DSG4: variants seen among roughly 807,000 people sequenced by gnomAD.
DSG4 encodes desmoglein-4.
A neutral mutation model predicts 93.1 loss-of-function variants in DSG4; 87 were observed. That is an observed-to-expected ratio of 0.93 (90% CI 0.79 to 1.12). The LOEUF is 1.12. DSG4 is among the 50% of genes most tolerant of loss of function. The probability of loss-of-function intolerance (pLI) is 0.00; values close to 1 mark genes in which losing one functional copy is unlikely to be tolerated. For missense variants in DSG4, 1,373 were observed against 1,285.7 expected (o/e 1.07, Z -1.04); for synonymous variants, 432 against 452.9 (o/e 0.95, Z 0.59).
At chr18:31,404,877 A>G (rs2072407562) in intron 11 of DSG4, among the ~76,000 whole-genome samples, 1 of 152,132 alleles carries the variant, frequency 6.6e-6, no homozygotes, top group Non-Finnish European at 1.5e-5. Flanking sequence ...ATGATTACAC[A>G]TGTAAGAAAA....
At chr18:31,378,692 T>A (rs1365040415) in intron 1 of DSG4, among the ~76,000 whole-genome samples, 2 of 152,188 alleles carry the variant, frequency 1.3e-5, no homozygotes, top group Admixed American at 6.6e-5. Context: ...GTTCTTTAAG[T>A]ATTTTTTTTC....
At position 31,403,152 on chromosome 18, in the gene DSG4, A is replaced by G. The variant is rs189664793; in HGVS notation, c.1418-264A>G. Among the ~76,000 whole-genome samples the G allele has an allele frequency of 1.2e-3, 187 of 152,244 alleles. 2 individuals carry two copies. In the Middle Eastern group the frequency reaches 0.014, roughly 11 times the overall value. On this transcript the variant is annotated intron_variant, in intron 10 of 15. Transcript: ENST00000308128. ...TAGCAAAATGAAATGAGGGTGGAAAACATTTTAGGAAGGGTGAAAAGAATG... is the reference window on the plus strand; with the variant it reads ...TAGCAAAATGAAATGAGGGTGGAAAGCATTTTAGGAAGGGTGAAAAGAATG...
chr18:31,391,749 C>T (rs2072252470), intron 7 of DSG4, among the ~76,000 whole-genome samples: 1 of 151,934 alleles, frequency 6.6e-6, no homozygotes, highest in African/African-American at 2.4e-5. Flanking sequence ...TCTATGGGGG[C>T]TTTGTGCTGC....
Position 31,397,429 on chromosome 18 carries a change from C to G in DSG4, c.1006-1843C>G, listed in dbSNP as rs184161062. 2.6e-5 allele frequency among the ~76,000 whole-genome samples: 4 copies of G among 152,262 alleles called. No individual in the cohort carries two copies. The East Asian group carries it at 7.7e-4, about 29-fold the overall frequency. On this transcript the variant is annotated intron_variant, in intron 8 of 15. Transcript: ENST00000308128. ...AGAGTAAACCATTGTTTCCATTGCT[C>G]TTTACAATCCTTGACCTCTGGACAC...
At chr18:31,405,216 T>C (rs1004784721) in intron 11 of DSG4, among the ~76,000 whole-genome samples, 1 of 152,214 alleles carries the variant, frequency 6.6e-6, no homozygotes, top group Admixed American at 6.5e-5. Flanking sequence ...CTTGTATTAA[T>C]AAATAAATTC....
At chr18:31,411,470 A>G in intron 15 of DSG4, 22 bp downstream of exon 15, 3 of 1,611,280 alleles carry the variant, frequency 1.9e-6, no homozygotes, top group Non-Finnish European at 8.5e-7. Flanking sequence ...ACAGTCACAC[A>G]TAAAATCGTC....
At chr18:31,401,213 T>C (rs957154043) in intron 10 of DSG4, among the ~76,000 whole-genome samples, 193 bp downstream of exon 10, 24 of 152,204 alleles carry the variant, frequency 1.6e-4, no homozygotes, top group Admixed American at 1.3e-3. Flanking sequence ...CCATAGTTTA[T>C]TTCATCTACT....
intron 9 of DSG4, among the ~76,000 whole-genome samples, chr18:31,399,790 C>G (rs1200019908): frequency 6.6e-6 from 1 of 152,132 alleles, no homozygotes; most frequent in Non-Finnish European, 1.5e-5. Flanking sequence ...GATCAAAGAG[C>G]CTCCTAAATT....
Position 31,413,690 on chromosome 18 carries a change from T to C in DSG4, c.*95T>C. ...TATAATGTACCATATATATTAATAG[T>C]CAACAAATACTCAGATATTCTAAGG... On this transcript the variant is annotated 3_prime_UTR_variant, in exon 16 of 16. Transcript: ENST00000308128. 1 of 1,465,912 alleles carries C rather than the reference T, an allele frequency of 6.8e-7. No homozygotes were observed. Among genetic ancestry groups the C allele is most frequent in the Non-Finnish European group, 9.4e-7 (1 of 1,067,756 alleles). 90.8% of individuals were successfully genotyped at this position (1,465,912 alleles called of 1,614,324 possible). A position where few individuals can be genotyped will look rare whatever the true frequency, so the allele number is the denominator to read the frequency against.
chr18:31,396,142 C>A (rs1025178934), intron 8 of DSG4, among the ~76,000 whole-genome samples: 1 of 151,748 alleles, frequency 6.6e-6, no homozygotes, highest in Admixed American at 6.6e-5. Context: ...TATATATATA[C>A]ATATTTGACT....
At chr18:31,410,501 T>C (rs1454452740) in intron 14 of DSG4, among the ~76,000 whole-genome samples, 1 of 145,724 alleles carries the variant, frequency 6.9e-6, no homozygotes, top group Non-Finnish European at 1.5e-5. Context: ...TAGTAATTAT[T>C]TATAATACAA....
intron 14 of DSG4, among the ~76,000 whole-genome samples, chr18:31,410,554 C>G (rs907656667): frequency 6.6e-6 from 1 of 151,814 alleles, no homozygotes; most frequent in Admixed American, 6.6e-5. Flanking sequence ...AGTAAATGTA[C>G]TCTAATAATA....
chr18:31,406,967 G>A (rs1206491852), intron 12 of DSG4, among the ~76,000 whole-genome samples: 1 of 151,868 alleles, frequency 6.6e-6, no homozygotes, highest in Non-Finnish European at 1.5e-5. Flanking sequence ...TAGTAGAGAC[G>A]GGGTTTCACC....
intron 12 of DSG4, among the ~76,000 whole-genome samples, chr18:31,406,980 G>T (rs1488003710): frequency 1.3e-5 from 2 of 152,038 alleles, no homozygotes; most frequent in African/African-American, 4.8e-5. Flanking sequence ...GTTTCACCAT[G>T]ATAGCCAGGA....
At position 31,406,172 on chromosome 18, in the gene DSG4, T is replaced by C. The variant is rs113450288; in HGVS notation, c.1732T>C (p.Leu578=). 609 of 1,614,166 alleles carry C rather than the reference T, an allele frequency of 3.8e-4. 3 individuals are homozygous for C. In the African/African-American group the frequency reaches 6.7e-3, roughly 18 times the overall value. The change falls in exon 12 of 16, where the codon TTG becomes CTG. Residue 578 remains leucine (L), a synonymous_variant. Transcript: ENST00000308128. ...VKDSYNRACE[L]AQMVQLYACD... ...GGACAGCTATAACAGAGCATGTGAA[T>C]TGGCACAAATGGTGCAGTTATATGC...
chr18:31,409,172 A>G (rs973625870), intron 12 of DSG4, among the ~76,000 whole-genome samples: 1 of 152,182 alleles, frequency 6.6e-6, no homozygotes. Flanking sequence ...TAGACTAAAG[A>G]CGACCTTACT....
chr18:31,378,681 A>G (rs1254816686), intron 1 of DSG4, among the ~76,000 whole-genome samples: 1 of 152,136 alleles, frequency 6.6e-6, no homozygotes, highest in Non-Finnish European at 1.5e-5. Context: ...ATTGTGAAAA[A>G]GTTCTTTAAG....
At chr18:31,391,289 C>A in intron 7 of DSG4, 77 bp downstream of exon 7, 1 of 1,591,278 alleles carries the variant, frequency 6.3e-7, no homozygotes, top group Non-Finnish European at 8.6e-7. Context: ...ATCAATCATG[C>A]TGGCTCATGA....
intron 8 of DSG4, among the ~76,000 whole-genome samples, chr18:31,398,708 T>C (rs1423611804): frequency 1.3e-5 from 2 of 152,206 alleles, no homozygotes; most frequent in Non-Finnish European, 2.9e-5. Flanking sequence ...TATTTGAATA[T>C]GCCCCATAAA....
Sources: gnomAD v4.1 joint callset for allele counts (sites outside exome capture counted in the v4.1 genomes callset) on GRCh38, gnomAD v4.1.1 for gene constraint, MANE v1.5 for transcripts, NCBI Gene and HGNC (gene_info 2026-07-23, HGNC 2026-07-21) for gene names.